Variants in CSMD1 observed in about 807,000 individuals in gnomAD.
The protein encoded by CSMD1 is CUB and Sushi multiple domains 1.
Under a neutral mutation model 417.5 loss-of-function variants are expected in CSMD1, and 213 were observed. The ratio of observed to expected loss-of-function variants is 0.51; its 90% confidence interval spans 0.46 to 0.57. The LOEUF is 0.57. Among genes scored for constraint, CSMD1 ranks in the 20% least tolerant of loss-of-function variants. The pLI, the probability that CSMD1 is intolerant of heterozygous loss-of-function variation, is 0.00. For missense variants in CSMD1, 6,923 were observed against 4,529.7 expected (o/e 1.53, Z -15.17); for synonymous variants, 2,862 against 1,736.8 (o/e 1.65, Z -16.11).
At chr8:4,463,520 A>G (rs750584662) in intron 2 of CSMD1, among the ~76,000 whole-genome samples, 3 of 152,186 alleles carry the variant, frequency 2.0e-5, no homozygotes, top group Non-Finnish European at 4.4e-5. Flanking sequence ...AATGTCAGTC[A>G]ACCGATGAAA....
At chr8:3,647,118 G>T (rs1250610122) in intron 7 of CSMD1, among the ~76,000 whole-genome samples, 1 of 152,158 alleles carries the variant, frequency 6.6e-6, no homozygotes, top group African/African-American at 2.4e-5. Context: ...TCCCAGGAAG[G>T]AATAAATCAT....
intron 52 of CSMD1, among the ~76,000 whole-genome samples, chr8:3,009,093 G>T (rs1211675927): frequency 6.6e-6 from 1 of 152,216 alleles, no homozygotes; most frequent in Admixed American, 6.5e-5. Flanking sequence ...GGACAGACCT[G>T]GAGCCGTGCA....
At chr8:3,299,585 C>T (rs1476796998) in intron 25 of CSMD1, among the ~76,000 whole-genome samples, 4 of 152,248 alleles carry the variant, frequency 2.6e-5, no homozygotes, top group Non-Finnish European at 5.9e-5. Context: ...CGCCACCATA[C>T]AGCGGACATA....
intron 2 of CSMD1, among the ~76,000 whole-genome samples, chr8:4,515,685 A>G (rs890342131): frequency 2.6e-5 from 4 of 152,166 alleles, no homozygotes; most frequent in African/African-American, 4.8e-5. Flanking sequence ...GGTAAGCAAG[A>G]TGAGGCTGTC....
intron 3 of CSMD1, among the ~76,000 whole-genome samples, chr8:4,080,227 T>A (rs1331788087): frequency 6.6e-6 from 1 of 152,280 alleles, no homozygotes; most frequent in Middle Eastern, 3.4e-3. Context: ...GTCTCCTCCT[T>A]AAAACCCATC....
intron 7 of CSMD1, among the ~76,000 whole-genome samples, chr8:3,700,007 T>C (rs1172911704): frequency 6.6e-6 from 1 of 152,134 alleles, no homozygotes; most frequent in East Asian, 1.9e-4. Context: ...TCTGTTGTGT[T>C]CCTGAGACTC....
At chr8:4,663,756 A>AACTGAACTG (rs1275659914) in intron 1 of CSMD1, among the ~76,000 whole-genome samples, 1 of 152,194 alleles carries the variant, frequency 6.6e-6, no homozygotes, top group African/African-American at 2.4e-5. Context: ...GTAGTTCTTT[A>AACTGAACTG]AAGTAACGTG....
chr8:3,951,621 C>G (rs1047253093), intron 5 of CSMD1, among the ~76,000 whole-genome samples: 1 of 151,924 alleles, frequency 6.6e-6, no homozygotes, highest in East Asian at 1.9e-4. Flanking sequence ...TAGGAAACAG[C>G]TGACAAAAAT....
rs771415822 is a variant in CSMD1 at position 4,594,195 on chromosome 8, C to CTTTTTTTTTTTTTT, written c.302+43133_302+43146dup. 1.8e-4 allele frequency among the ~76,000 whole-genome samples: 17 copies of CTTTTTTTTTTTTTT among 92,372 alleles called. 1 individual carries two copies. The highest frequency in any genetic ancestry group is 2.7e-4 in the Non-Finnish European group (13 of 48,682). The allele number at this position is 92,372 out of a possible 152,430, so 60.6% of individuals were successfully genotyped here. On this transcript the variant is annotated intron_variant, in intron 2 of 69. Transcript: ENST00000635120. ...TTAACTTGATTAATTCTAAAGTGAT[C>CTTTTTTTTTTTTTT]TTTTTTTTTTTTTTTTTTTTTTCTC...
intron 26 of CSMD1, among the ~76,000 whole-genome samples, chr8:3,247,278 A>C (rs542437897): frequency 6.6e-6 from 1 of 152,156 alleles, no homozygotes; most frequent in Non-Finnish European, 1.5e-5. Flanking sequence ...TGTAGTCCTC[A>C]GGCTCCCTGG....
intron 52 of CSMD1, among the ~76,000 whole-genome samples, chr8:3,017,149 A>G (rs545886009): frequency 4.6e-5 from 7 of 152,334 alleles, no homozygotes; most frequent in Non-Finnish European, 8.8e-5. Context: ...TCATGTTTAC[A>G]ATTACTAATA....
chr8:3,400,511 A>G (rs991308648), intron 15 of CSMD1, among the ~76,000 whole-genome samples: 48 of 152,242 alleles, frequency 3.2e-4, no homozygotes, highest in African/African-American at 1.1e-3. Context: ...TACCAATAGT[A>G]TCTTAATTTA....
At chr8:4,147,635 C>T (rs962486286) in intron 3 of CSMD1, among the ~76,000 whole-genome samples, 3 of 152,120 alleles carry the variant, frequency 2.0e-5, no homozygotes, top group Admixed American at 2.0e-4. Flanking sequence ...GCATGTAGTG[C>T]ATGAAGGTTA....
At chr8:3,450,385 T>G (rs1815620335) in intron 12 of CSMD1, among the ~76,000 whole-genome samples, 1 of 152,108 alleles carries the variant, frequency 6.6e-6, no homozygotes, top group Non-Finnish European at 1.5e-5. Context: ...TATGTATACA[T>G]GTGCCATGTT....
chr8:4,437,312 A>G (rs1478078293), intron 2 of CSMD1, among the ~76,000 whole-genome samples: 1 of 151,976 alleles, frequency 6.6e-6, no homozygotes, highest in African/African-American at 2.4e-5. Flanking sequence ...AGTTTGAGAG[A>G]AAAAAAATAA....
chr8:4,903,800 G>A (rs1050543206), intron 1 of CSMD1, among the ~76,000 whole-genome samples: 1 of 152,186 alleles, frequency 6.6e-6, no homozygotes, highest in African/African-American at 2.4e-5. Flanking sequence ...AGGACCTACT[G>A]TTAGCCTGGC....
intron 7 of CSMD1, among the ~76,000 whole-genome samples, chr8:3,640,321 G>T (rs1028670535): frequency 6.6e-6 from 1 of 152,170 alleles, no homozygotes; most frequent in Non-Finnish European, 1.5e-5. Context: ...TCACAACCAA[G>T]ATTTTATGAG....
chr8:4,942,518 T>C (rs548345768), intron 1 of CSMD1, among the ~76,000 whole-genome samples: 12 of 152,370 alleles, frequency 7.9e-5, no homozygotes, highest in African/African-American at 2.9e-4. Flanking sequence ...TTTTTCAAAA[T>C]ATTTTCCTCT....
chr8:4,108,485 A>C (rs1415252999), intron 3 of CSMD1, among the ~76,000 whole-genome samples: 1 of 152,188 alleles, frequency 6.6e-6, no homozygotes, highest in East Asian at 1.9e-4. Context: ...TTTAGTGGCA[A>C]GTGATTGCTC....
Sources: gnomAD v4.1 joint callset for allele counts (sites outside exome capture counted in the v4.1 genomes callset) on GRCh38, gnomAD v4.1.1 for gene constraint, MANE v1.5 for transcripts, NCBI Gene and HGNC (gene_info 2026-07-23, HGNC 2026-07-21) for gene names.